The following ITSN1 variants were observed in gnomAD, a reference collection of about 807,000 sequenced individuals.
ITSN1 encodes the protein intersectin-1.
Under a neutral mutation model 239.8 loss-of-function variants are expected in ITSN1, and 58 were observed. The observed-to-expected ratio is 0.24, with a 90% CI of 0.20 to 0.30. ITSN1 has a LOEUF of 0.30. ITSN1 is among the 10% of genes least tolerant of loss of function. ITSN1 has a pLI of 1.00. For missense variants in ITSN1, 1,558 were observed against 2,103.3 expected (o/e 0.74, Z 5.07); for synonymous variants, 780 against 770.8 (o/e 1.01, Z -0.20).
At chr21:33,844,294 A>G (rs899993464) in intron 29 of ITSN1, among the ~76,000 whole-genome samples, 10 of 152,216 alleles carry the variant, frequency 6.6e-5, no homozygotes, top group Non-Finnish European at 1.5e-5. Flanking sequence ...CCTGTGTTTC[A>G]CACGGTCGAC....
intron 8 of ITSN1, among the ~76,000 whole-genome samples, chr21:33,760,815 C>T (rs2068263226): frequency 1.3e-5 from 2 of 152,218 alleles, no homozygotes; most frequent in Admixed American, 6.5e-5. Flanking sequence ...TTCCATTCCT[C>T]TGTCCAGCAG....
intron 7 of ITSN1, among the ~76,000 whole-genome samples, chr21:33,754,545 T>A (rs2067782724): frequency 6.6e-6 from 1 of 152,232 alleles, no homozygotes; most frequent in African/African-American, 2.4e-5. Context: ...AAGCCATTGG[T>A]ACCAGTGTGA....
intron 8 of ITSN1, among the ~76,000 whole-genome samples, chr21:33,759,036 G>C (rs1056103604): frequency 1.2e-4 from 18 of 152,332 alleles, no homozygotes; most frequent in African/African-American, 4.3e-4. Context: ...AGAATTACAA[G>C]AGATAATTGT....
chr21:33,734,896 C>A, intron 4 of ITSN1, 148 bp from the exon 5 acceptor site: 1 of 546,326 alleles, frequency 1.8e-6, no homozygotes, highest in South Asian at 4.1e-5. Context: ...AGGCTATTCC[C>A]CATAGTTTGG....
chr21:33,738,422 G>A lies in ITSN1; in HGVS notation c.346+3218G>A, dbSNP rs533255277. The stretch of plus-strand genomic sequence containing the variant: ...AAAGCTACCATTTATCTAAAGGCGA[G>A]ATGGAGTCTCACTCTGTCGCCCAGG... On this transcript the variant is annotated intron_variant, in intron 5 of 39. Transcript: ENST00000381318. Among the ~76,000 whole-genome samples the A allele has an allele frequency of 7.9e-5, 12 of 152,168 alleles. No individual in the cohort carries two copies. In the South Asian group the frequency reaches 2.3e-3, roughly 29 times the overall value.
rs137945341 is a variant in ITSN1, at chr21:33,812,308, A to G, written c.2567+1086A>G. 1.6e-4 allele frequency among the ~76,000 whole-genome samples: 24 copies of G among 152,348 alleles called. No individual in the cohort carries two copies. The East Asian group carries it at 4.6e-3, about 29-fold the overall frequency. On this transcript the variant is annotated intron_variant, in intron 21 of 39. Coordinates refer to ENST00000381318, the MANE Select transcript of ITSN1 (RefSeq NM_003024.3). ...GATTTGTTTTGCTGGGGATCAAATC[A>G]GTATGCCTCTTCTTCAATATATGTA... is the stretch of plus-strand genomic sequence containing the variant.
intron 29 of ITSN1, among the ~76,000 whole-genome samples, chr21:33,851,088 T>C (rs1273218550): frequency 1.3e-5 from 2 of 152,234 alleles, no homozygotes; most frequent in Non-Finnish European, 2.9e-5. Flanking sequence ...CTCTCTCTCC[T>C]GGTCCTTCCA....
intron 20 of ITSN1, among the ~76,000 whole-genome samples, chr21:33,805,821 G>T (rs1343157127): frequency 6.6e-6 from 1 of 150,794 alleles, no homozygotes; most frequent in Admixed American, 6.6e-5. Flanking sequence ...ACAGGCACCC[G>T]CCACCACGCC....
chr21:33,857,868 G>A (rs1211670219), intron 30 of ITSN1, among the ~76,000 whole-genome samples: 1 of 152,096 alleles, frequency 6.6e-6, no homozygotes, highest in South Asian at 2.1e-4. Context: ...GTTCAACGTC[G>A]GCTTAAGGAC....
chr21:33,780,789 G>A (rs922436017), intron 14 of ITSN1, among the ~76,000 whole-genome samples: 1 of 152,004 alleles, frequency 6.6e-6, no homozygotes, highest in Non-Finnish European at 1.5e-5. Context: ...GGATATTTTC[G>A]GCTAAATTTA....
intron 8 of ITSN1, among the ~76,000 whole-genome samples, chr21:33,758,589 C>G (rs1174501734): frequency 1.3e-5 from 2 of 152,188 alleles, no homozygotes; most frequent in East Asian, 1.9e-4. Flanking sequence ...GTAAGAAGCT[C>G]TAGAACTCTG....
In ITSN1 at chr21:33,891,400, T is replaced by G. The variant is rs548277659; in HGVS notation, c.*3100T>G. The G allele has an allele frequency of 6.6e-6, 1 of 152,328 alleles. No homozygotes were observed. Among genetic ancestry groups the G allele is most frequent in the South Asian group, 2.1e-4 (1 of 4,830 alleles). 9.4% of individuals were successfully genotyped at this position (152,328 alleles called of 1,614,324 possible). ...TTTTTAAACAACCTAAAGTATGACC[T>G]AAGTGTATGAAACTAACTGATTTCT... On this transcript the variant is annotated 3_prime_UTR_variant, in exon 40 of 40. Coordinates refer to ENST00000381318, the MANE Select transcript of ITSN1 (RefSeq NM_003024.3).
intron 32 of ITSN1, 36 bp from the exon 33 acceptor site, chr21:33,867,197 A>G (rs1423498405): frequency 2.2e-6 from 3 of 1,353,960 alleles, no homozygotes; most frequent in South Asian, 2.3e-5. Context: ...GGATTTTGCA[A>G]GTTTCTTAAG....
chr21:33,817,116 A>G (rs1208519475), intron 22 of ITSN1: 2 of 1,168,622 alleles, frequency 1.7e-6, no homozygotes, highest in African/African-American at 1.6e-5. Context: ...GTTCTTGTCC[A>G]TTCATATATA....
chr21:33,767,928 T>C, intron 11 of ITSN1, 100 bp downstream of exon 11: 1 of 632,848 alleles, frequency 1.6e-6, no homozygotes, highest in Non-Finnish European at 2.7e-6. Context: ...AATTTAGTTT[T>C]TGACATTTTT....
At chr21:33,747,145 C>G (rs1182718455) in intron 5 of ITSN1, among the ~76,000 whole-genome samples, 2 of 152,028 alleles carry the variant, frequency 1.3e-5, no homozygotes, top group African/African-American at 4.8e-5. Flanking sequence ...CAGAGTGAGG[C>G]CTTGTCTCAA....
At chr21:33,840,700 G>T (rs2074792581) in intron 29 of ITSN1, among the ~76,000 whole-genome samples, 1 of 152,178 alleles carries the variant, frequency 6.6e-6, no homozygotes, top group Non-Finnish European at 1.5e-5. Flanking sequence ...GTTTCACCAT[G>T]TTGGCCAGGC....
intron 30 of ITSN1, among the ~76,000 whole-genome samples, chr21:33,857,859 T>G (rs1979658255): frequency 6.6e-6 from 1 of 151,952 alleles, no homozygotes; most frequent in Admixed American, 6.5e-5. Context: ...ACATGCCGGG[T>G]TCAACGTCGG....
chr21:33,861,012 T>A (rs1395419561), intron 31 of ITSN1, among the ~76,000 whole-genome samples: 1 of 152,164 alleles, frequency 6.6e-6, no homozygotes, highest in Non-Finnish European at 1.5e-5. Flanking sequence ...ATTCCCGGAT[T>A]AGCTTGTTTG....
Sources: allele counts gnomAD v4.1 joint callset (sites outside exome capture counted in the v4.1 genomes callset), GRCh38; gene constraint gnomAD v4.1.1; transcripts MANE v1.5; gene names NCBI Gene and HGNC (gene_info 2026-07-23, HGNC 2026-07-21).